The following RTN4RL2 variants were observed in gnomAD, a reference collection of about 807,000 sequenced individuals.
RTN4RL2 encodes reticulon 4 receptor like 2.
In RTN4RL2, 9 loss-of-function variants were observed where a neutral mutation model predicts 27.8. The observed-to-expected ratio is 0.32, with a 90% CI of 0.20 to 0.57. The LOEUF (loss-of-function observed/expected upper bound fraction) is 0.57. Among genes scored for constraint, RTN4RL2 ranks in the 20% least tolerant of loss-of-function variants. The probability of loss-of-function intolerance (pLI) is 0.90; values close to 1 mark genes in which losing one functional copy is unlikely to be tolerated. For missense variants in RTN4RL2, 436 were observed against 596.8 expected (o/e 0.73, Z 2.81); for synonymous variants, 285 against 297.9 (o/e 0.96, Z 0.45).
rs1943537723 is a variant in RTN4RL2, at chr11:57,467,893, C to A, written c.316C>A (p.Gln106Lys). Residue 106 changes from glutamine (Q) to lysine (K), a missense_variant, in exon 2 of 3, where the codon CAA (glutamine) becomes AAA (lysine). Gln to Lys is a moderately conservative substitution (Grantham distance 53). Around this residue, in one of 3 missense-constraint regions of RTN4RL2, gnomAD observed 365 missense variants for 530.5 expected, o/e 0.69. Coordinates refer to ENST00000335099, the MANE Select transcript of RTN4RL2 (RefSeq NM_178570.3). The surrounding 1 kb of genome is among the most constrained non-coding windows in gnomAD (Gnocchi z 5.5). The stretch of plus-strand genomic sequence containing the variant: ...CTACCCGGGCACTTTCCGCCACTTG[C>A]AAGCCCTGGAGGAGCTGGACCTCGG... ...TIYPGTFRHL[Q>K]ALEELDLGDN... 6.2e-7 allele frequency: 1 copy of A among 1,614,108 alleles called. No homozygotes were observed. Among genetic ancestry groups the A allele is most frequent in the South Asian group, 1.1e-5 (1 of 91,088 alleles).
At chr11:57,469,262 C>G (rs770048489) in intron 2 of RTN4RL2, among the ~76,000 whole-genome samples, 2 of 152,158 alleles carry the variant, frequency 1.3e-5, no homozygotes, top group Non-Finnish European at 2.9e-5. Context: ...CACAGAGATA[C>G]CATTCCCATG....
intron 2 of RTN4RL2, among the ~76,000 whole-genome samples, chr11:57,468,343 A>G (rs371189249): frequency 1.3e-4 from 19 of 146,722 alleles, no homozygotes; most frequent in Middle Eastern, 3.4e-3. Flanking sequence ...TAACTCCACA[A>G]CCTTCACCTC....
chr11:57,477,209 G>A lies in RTN4RL2; in HGVS notation c.*298G>A, dbSNP rs1418616450. On this transcript the variant is annotated 3_prime_UTR_variant, in exon 3 of 3. Coordinates refer to ENST00000335099, the MANE Select transcript of RTN4RL2 (RefSeq NM_178570.3). ...GGGCCCCCCAGGCAGCCGCTGACCCGCACTCCTAAGGGCCCACAGCGGACA... is the reference window on the plus strand; with the variant it reads ...GGGCCCCCCAGGCAGCCGCTGACCCACACTCCTAAGGGCCCACAGCGGACA... 6 of 356,568 alleles carry A rather than the reference G, an allele frequency of 1.7e-5. No individual in the cohort carries two copies. The highest frequency in any genetic ancestry group is 3.0e-5 in the Non-Finnish European group (6 of 198,422). 22.1% of individuals were successfully genotyped at this position (356,568 alleles called of 1,614,324 possible).
chr11:57,470,379 C>T (rs1033784902), intron 2 of RTN4RL2, among the ~76,000 whole-genome samples: 7 of 152,072 alleles, frequency 4.6e-5, no homozygotes, highest in Non-Finnish European at 8.8e-5. Context: ...TCCTGAGTAA[C>T]TAAGATTACA....
At chr11:57,470,040 G>A (rs1251067660) in intron 2 of RTN4RL2, among the ~76,000 whole-genome samples, 3 of 152,194 alleles carry the variant, frequency 2.0e-5, no homozygotes, top group Non-Finnish European at 2.9e-5. Flanking sequence ...CCCAGGAAGA[G>A]CTGGCGCTTG....
chr11:57,469,508 G>A (rs1045085175), intron 2 of RTN4RL2, among the ~76,000 whole-genome samples: 4 of 151,924 alleles, frequency 2.6e-5, no homozygotes, highest in Admixed American at 1.3e-4. Context: ...GGGGTAGCAA[G>A]AGCACCCATC....
At chr11:57,472,558 T>G (rs558439059) in intron 2 of RTN4RL2, among the ~76,000 whole-genome samples, 1 of 152,326 alleles carries the variant, frequency 6.6e-6, no homozygotes, top group Admixed American at 6.5e-5. Context: ...AGATCAGATC[T>G]CAGTTTGAAT....
chr11:57,467,277 C>G lies in RTN4RL2; in HGVS notation c.32-332C>G, dbSNP rs1943533335. Among the ~76,000 whole-genome samples the G allele has an allele frequency of 6.6e-6, 1 of 152,084 alleles. No individual in the cohort carries two copies. Among genetic ancestry groups the G allele is most frequent in the African/African-American group, 2.4e-5 (1 of 41,410 alleles). Reference sequence around the variant, plus strand: ...CCAGGCTGGAGTGCAAGGGTGTGATCGTTGCTCACTACAGCCTCAAACTCC... The same window carrying G: ...CCAGGCTGGAGTGCAAGGGTGTGATGGTTGCTCACTACAGCCTCAAACTCC... On this transcript the variant is annotated intron_variant, in intron 1 of 2. Transcript: ENST00000335099. The surrounding 1 kb of genome is among the most constrained non-coding windows in gnomAD (Gnocchi z 5.5).
At chr11:57,462,561 C>T (rs1003961746) in intron 1 of RTN4RL2, among the ~76,000 whole-genome samples, 16 of 152,246 alleles carry the variant, frequency 1.1e-4, no homozygotes, top group Non-Finnish European at 1.8e-4. Flanking sequence ...GATCCTGCCC[C>T]CTACTTTGGG....
chr11:57,467,571 G>A lies in RTN4RL2; in HGVS notation c.32-38G>A, dbSNP rs1433100261. On this transcript the variant is annotated intron_variant, in intron 1 of 2. Coordinates refer to ENST00000335099, the MANE Select transcript of RTN4RL2 (RefSeq NM_178570.3). The surrounding 1 kb of genome is among the most constrained non-coding windows in gnomAD (Gnocchi z 5.5). ...GCCCCCAGCTGGCACTCCTGCCCTG[G>A]AAGCCCACCTAGTAAGTTCTGCTTC... The A allele has an allele frequency of 6.4e-7, 1 of 1,562,354 alleles. No homozygotes were observed. Among genetic ancestry groups the A allele is most frequent in the Non-Finnish European group, 8.7e-7 (1 of 1,154,620 alleles).
Position 57,477,043 on chromosome 11 carries a change from C to T in RTN4RL2, c.*132C>T. 2 of 922,744 alleles carry T rather than the reference C, an allele frequency of 2.2e-6. No homozygotes were observed. The highest frequency in any genetic ancestry group is 1.5e-6 in the Non-Finnish European group (1 of 651,366). The allele number at this position is 922,744 out of a possible 1,614,324, so 57.2% of individuals were successfully genotyped here. On this transcript the variant is annotated 3_prime_UTR_variant, in exon 3 of 3. Coordinates refer to ENST00000335099, the MANE Select transcript of RTN4RL2 (RefSeq NM_178570.3). The stretch of plus-strand genomic sequence containing the variant: ...CCTTTCCCCTCCCAGCTCCTCTCCT[C>T]CCCGGGGAGCAGGCCGCCTCTCCTT...
chr11:57,460,830 C>T lies in RTN4RL2; in HGVS notation c.-36C>T. 3 of 1,345,692 alleles carry T rather than the reference C, an allele frequency of 2.2e-6. No homozygotes were observed. The highest frequency in any genetic ancestry group is 1.6e-5 in the South Asian group (1 of 64,442). 83.4% of individuals were successfully genotyped at this position (1,345,692 alleles called of 1,614,324 possible). ...CTCAGGGAGCGAGTGGGAGCGCCCT[C>T]CCCCCGCTGCCCCCTCCCCCGAGCA... On this transcript the variant is annotated 5_prime_UTR_variant, in exon 1 of 3. Transcript: ENST00000335099.
Position 57,476,079 on chromosome 11 carries a change from C to A in RTN4RL2, c.514-83C>A. The A allele has an allele frequency of 7.3e-7, 1 of 1,374,406 alleles. No homozygotes were observed. The highest frequency in any genetic ancestry group is 1.0e-6 in the Non-Finnish European group (1 of 1,002,522). 85.1% of individuals were successfully genotyped at this position (1,374,406 alleles called of 1,614,324 possible). A position where few individuals can be genotyped will look rare whatever the true frequency, so the allele number is the denominator to read the frequency against. ...CTTCTGCCACGGTGCACCCCCTTCC[C>A]TCCCCCGGCCAAGGCCCCAGCGGGG... On this transcript the variant is annotated intron_variant, in intron 2 of 2. Coordinates refer to ENST00000335099, the MANE Select transcript of RTN4RL2 (RefSeq NM_178570.3). This position sits in a 1 kb window ranked among gnomAD's most constrained non-coding sequence, Gnocchi z 8.2.
chr11:57,466,266 A>G (rs914616589), intron 1 of RTN4RL2, among the ~76,000 whole-genome samples: 1 of 151,890 alleles, frequency 6.6e-6, no homozygotes, highest in African/African-American at 2.4e-5. Flanking sequence ...CAGACTCCCA[A>G]AGTGCTGGGA....
Position 57,476,957 on chromosome 11 carries a change from C to A in RTN4RL2, c.*46C>A, listed in dbSNP as rs777928447. On this transcript the variant is annotated 3_prime_UTR_variant, in exon 3 of 3. Coordinates refer to ENST00000335099, the MANE Select transcript of RTN4RL2 (RefSeq NM_178570.3). The surrounding 1 kb of genome is among the most constrained non-coding windows in gnomAD (Gnocchi z 8.2). Reference sequence around the variant, plus strand: ...AGGCCAGTGTCCGATCCCCGCTTCCCGTCCACCCGGGGCTGCGGCTCCGGC... The same window carrying A: ...AGGCCAGTGTCCGATCCCCGCTTCCAGTCCACCCGGGGCTGCGGCTCCGGC... 6.7e-7 allele frequency: 1 copy of A among 1,502,606 alleles called. No individual in the cohort carries two copies. Among genetic ancestry groups the A allele is most frequent in the Admixed American group, 2.2e-5 (1 of 46,272 alleles). The allele number at this position is 1,502,606 out of a possible 1,614,324, so 93.1% of individuals were successfully genotyped here.
rs1448452186 is a variant in RTN4RL2 at position 57,476,467 on chromosome 11, G to A, written c.819G>A (p.Trp273Ter). 6.4e-7 allele frequency: 1 copy of A among 1,550,564 alleles called. No individual in the cohort carries two copies. Residue 273 changes from tryptophan (W) to a stop codon, truncating the protein, a stop_gained, in exon 3 of 3, where the codon TGG becomes TGA. Coordinates refer to ENST00000335099, the MANE Select transcript of RTN4RL2 (RefSeq NM_178570.3). LOFTEE classifies it high-confidence loss of function. This position sits in a 1 kb window ranked among gnomAD's most constrained non-coding sequence, Gnocchi z 8.2. The stretch of plus-strand genomic sequence containing the variant: ...GCGACTGCCGCGCGCGGCCGCTCTG[G>A]GCCTGGTTCCAGCGCGCGCGCGTGT... ...WACDCRARPL[W>*]AWFQRARVSS... is the part of the protein sequence containing the mutation.
intron 2 of RTN4RL2, among the ~76,000 whole-genome samples, chr11:57,475,560 A>C (rs79823458): frequency 1.3e-5 from 2 of 152,172 alleles, no homozygotes; most frequent in Non-Finnish European, 2.9e-5. Context: ...AAAAAAAAAA[A>C]GAATAATGGC....
Position 57,476,404 on chromosome 11 carries a change from G to C in RTN4RL2, c.756G>C (p.Ser252=). The C allele has an allele frequency of 1.2e-6, 2 of 1,602,784 alleles. No individual in the cohort carries two copies. The highest frequency in any genetic ancestry group is 8.5e-7 in the Non-Finnish European group (1 of 1,178,594). Residue 252 remains serine (S), a synonymous_variant, in exon 3 of 3, where the codon TCG becomes TCC. Coordinates refer to ENST00000335099, the MANE Select transcript of RTN4RL2 (RefSeq NM_178570.3). This position sits in a 1 kb window ranked among gnomAD's most constrained non-coding sequence, Gnocchi z 8.2. The part of the protein sequence containing the change: ...LPGEALADLP[S]LEFLRLNANP... Reference sequence around the variant, plus strand: ...GCGAGGCGCTCGCCGACCTGCCCTCGCTCGAGTTCCTGCGGCTCAACGCTA... The same window carrying C: ...GCGAGGCGCTCGCCGACCTGCCCTCCCTCGAGTTCCTGCGGCTCAACGCTA...
At chr11:57,475,545 A>AT (rs1454717291) in intron 2 of RTN4RL2, among the ~76,000 whole-genome samples, 1 of 152,020 alleles carries the variant, frequency 6.6e-6, no homozygotes, top group Non-Finnish European at 1.5e-5. Flanking sequence ...AAAAACAAAA[A>AT]TTAAAAAAAA....
Sources: allele counts gnomAD v4.1 joint callset (sites outside exome capture counted in the v4.1 genomes callset), GRCh38; gene constraint gnomAD v4.1.1; regional missense constraint gnomAD v4.1.1; non-coding constraint Gnocchi (gnomAD v3.1); transcripts MANE v1.5; gene names NCBI Gene and HGNC (gene_info 2026-07-23, HGNC 2026-07-21).